Variants in TENM2 observed in about 807,000 individuals in gnomAD.
The protein encoded by TENM2 is teneurin transmembrane protein 2.
TENM2 carries 52 observed loss-of-function variants against 245.2 expected under a neutral mutation model. The observed-to-expected ratio is 0.21, with a 90% CI of 0.17 to 0.27. The LOEUF is 0.27. Ranked by LOEUF, TENM2 falls within the 10% of genes least tolerant of loss-of-function variation. TENM2 has a pLI of 1.00. For missense variants in TENM2, 3,046 were observed against 3,666.8 expected (o/e 0.83, Z 4.37); for synonymous variants, 1,363 against 1,438.9 (o/e 0.95, Z 1.19).
the TENM2 span, among the ~76,000 whole-genome samples, chr5:167,227,279 A>T: frequency 6.6e-5 from 10 of 151,968 alleles, no homozygotes; most frequent in South Asian, 4.1e-4. Context: ...AGTTTGTTAT[A>T]GTAGTTTGGT....
intron 2 of TENM2, among the ~76,000 whole-genome samples, chr5:167,526,577 G>A (rs964402892): frequency 3.3e-5 from 5 of 151,466 alleles, no homozygotes; most frequent in South Asian, 2.1e-4. Context: ...TCTTGTTTAC[G>A]CTTTGTGATT....
intron 2 of TENM2, among the ~76,000 whole-genome samples, chr5:167,677,986 A>G (rs1303518288): frequency 6.6e-6 from 1 of 151,954 alleles, no homozygotes; most frequent in Non-Finnish European, 1.5e-5. Context: ...GACTGCTAAA[A>G]TCATGATATA....
chr5:168,235,609 C>G (rs1461359764), intron 25 of TENM2, among the ~76,000 whole-genome samples: 1 of 152,214 alleles, frequency 6.6e-6, no homozygotes, highest in Non-Finnish European at 1.5e-5. Context: ...AAGTTCAAGA[C>G]TAGCCTAGCC....
chr5:167,473,246 C>T (rs1298318391), intron 2 of TENM2, among the ~76,000 whole-genome samples: 2 of 152,132 alleles, frequency 1.3e-5, no homozygotes, highest in Non-Finnish European at 2.9e-5. Context: ...GAATGTCATG[C>T]CATCCAAATT....
chr5:167,180,480 G>A, the TENM2 span, among the ~76,000 whole-genome samples: 1 of 152,100 alleles, frequency 6.6e-6, no homozygotes, highest in Non-Finnish European at 1.5e-5. Context: ...CCAGTTATCT[G>A]TAGACAGGCT....
rs1448702387 is a variant in TENM2 at position 167,435,971 on chromosome 5, TTTTC to T, written c.502+60502_502+60505del. Among the ~76,000 whole-genome samples the T allele has an allele frequency of 6.5e-4, 90 of 137,650 alleles. 1 individual carries two copies. The highest frequency in any genetic ancestry group is 7.5e-3 in the Middle Eastern group (2 of 268). 90.3% of individuals were successfully genotyped at this position (137,650 alleles called of 152,430 possible). A position where few individuals can be genotyped will look rare whatever the true frequency, so the allele number is the denominator to read the frequency against. ...GTAGAAGAAATTTCTTTTTCTTTTT[TTTTC>T]TTTTTTTTTTTTTTTTTTTTGAGAC... On this transcript the variant is annotated intron_variant, in intron 2 of 28. Transcript: ENST00000518659.
rs1160974467 is a variant in TENM2, at chr5:167,842,580, C to CAAA, written c.503-33379_503-33377dup. Among the ~76,000 whole-genome samples the CAAA allele has an allele frequency of 1.9e-3, 85 of 45,302 alleles. 3 individuals carry two copies. Among genetic ancestry groups the CAAA allele is most frequent in the Non-Finnish European group, 2.5e-3 (42 of 16,704 alleles). The allele number at this position is 45,302 out of a possible 152,430, so 29.7% of individuals were successfully genotyped here. On this transcript the variant is annotated intron_variant, in intron 2 of 28. Coordinates refer to ENST00000518659, the Ensembl canonical transcript of TENM2. ...CTGGGAAATGGACCAGACTCCATGT[C>CAAA]AAAAAAAAAAAAAAAAAAAAAAAAA...
intron 5 of TENM2, among the ~76,000 whole-genome samples, chr5:168,014,290 G>C (rs1053502252): frequency 6.6e-6 from 1 of 152,142 alleles, no homozygotes; most frequent in Non-Finnish European, 1.5e-5. Context: ...CACTACATGG[G>C]ATAGGTGCTA....
intron 3 of TENM2, among the ~76,000 whole-genome samples, chr5:167,935,586 G>A (rs1778642553): frequency 1.3e-5 from 2 of 152,126 alleles, no homozygotes; most frequent in African/African-American, 2.4e-5. Flanking sequence ...CGAGAGTGGC[G>A]GGTGGGAAAA....
intron 2 of TENM2, among the ~76,000 whole-genome samples, chr5:167,737,315 C>T: frequency 6.6e-6 from 1 of 152,192 alleles, no homozygotes. Context: ...AAGCATCTTT[C>T]TTCTGATCAG....
chr5:168,018,399 T>C (rs1785847193), intron 5 of TENM2, among the ~76,000 whole-genome samples: 1 of 151,518 alleles, frequency 6.6e-6, no homozygotes, highest in Non-Finnish European at 1.5e-5. Flanking sequence ...TTCCTCTTTC[T>C]TTTTTTTTCA....
chr5:167,839,978 C>T (rs1438424743), intron 2 of TENM2, among the ~76,000 whole-genome samples: 3 of 152,176 alleles, frequency 2.0e-5, no homozygotes, highest in Non-Finnish European at 4.4e-5. Flanking sequence ...CCACCACGCC[C>T]TGCTAAATTT....
chr5:167,578,376 G>C (rs1266173552), intron 2 of TENM2, among the ~76,000 whole-genome samples: 1 of 152,214 alleles, frequency 6.6e-6, no homozygotes, highest in Non-Finnish European at 1.5e-5. Context: ...TCAGCAGTAA[G>C]GTTGAGAAAC....
intron 2 of TENM2, among the ~76,000 whole-genome samples, chr5:167,740,385 G>T (rs755053203): frequency 6.6e-6 from 1 of 152,128 alleles, no homozygotes; most frequent in African/African-American, 2.4e-5. Context: ...GGGAAACCTC[G>T]TGCACCCAGA....
chr5:167,840,948 A>G lies in TENM2; in HGVS notation c.503-35038A>G, dbSNP rs141539744. On this transcript the variant is annotated intron_variant, in intron 2 of 28. Coordinates refer to ENST00000518659, the Ensembl canonical transcript of TENM2. ...ATGCTGCTGACAGAGACCTTGCAAC[A>G]TCACTTTTTTTCACACAACACACCC... 6.1e-4 allele frequency among the ~76,000 whole-genome samples: 93 copies of G among 152,260 alleles called. No individual in the cohort carries two copies. In the East Asian group the frequency reaches 0.016, roughly 26 times the overall value.
chr5:167,171,924 A>C, the TENM2 span, among the ~76,000 whole-genome samples: 1 of 152,302 alleles, frequency 6.6e-6, no homozygotes, highest in African/African-American at 2.4e-5. Flanking sequence ...ACAAACTAAT[A>C]AAAGATCTTT....
intron 4 of TENM2, among the ~76,000 whole-genome samples, chr5:167,962,006 A>G (rs755142800): frequency 2.2e-4 from 33 of 152,330 alleles, no homozygotes; most frequent in Middle Eastern, 3.4e-3. Context: ...TCCTGATGCA[A>G]TCAGTTGGTT....
intron 2 of TENM2, among the ~76,000 whole-genome samples, chr5:167,858,035 G>A (rs920687170): frequency 2.6e-5 from 4 of 152,202 alleles, no homozygotes; most frequent in Admixed American, 6.5e-5. Flanking sequence ...GACTTTCTCC[G>A]TAGCTTTCTT....
At chr5:168,154,164 A>AAAC (rs1554209486) in intron 12 of TENM2, among the ~76,000 whole-genome samples, 1 of 150,658 alleles carries the variant, frequency 6.6e-6, no homozygotes, top group Non-Finnish European at 1.5e-5. Context: ...AAAAAAAAAA[A>AAAC]AACAGTAAGA....
Sources: allele counts gnomAD v4.1 joint callset (sites outside exome capture counted in the v4.1 genomes callset), GRCh38; gene constraint gnomAD v4.1.1; transcripts MANE v1.5; gene names NCBI Gene and HGNC (gene_info 2026-07-23, HGNC 2026-07-21).